The following DCC variants were observed in gnomAD, a reference collection of about 807,000 sequenced individuals.
DCC encodes the protein netrin receptor DCC.
A neutral mutation model predicts 172.5 loss-of-function variants in DCC; 58 were observed. The observed-to-expected ratio is 0.34, with a 90% confidence interval of 0.27 to 0.42. DCC has a LOEUF of 0.42. Among genes scored for constraint, DCC ranks in the 10% least tolerant of loss-of-function variants. The pLI, the probability that DCC is intolerant of heterozygous loss-of-function variation, is 1.00. For missense variants in DCC, 1,740 were observed against 1,791.0 expected, an observed-to-expected ratio of 0.97 and a Z score of 0.51; for synonymous variants, 709 against 644.5, an observed-to-expected ratio of 1.10 and a Z score of -1.52.
At chr18:52,494,651 C>T (rs2030670141) in intron 1 of DCC, among the ~76,000 whole-genome samples, 1 of 151,926 alleles carries the variant, frequency 6.6e-6, no homozygotes, top group South Asian at 2.1e-4. Context: ...TTTAGAGCTT[C>T]AGCATTTTCA....
chr18:52,568,162 A>G (rs2033206325), intron 1 of DCC, among the ~76,000 whole-genome samples: 1 of 152,144 alleles, frequency 6.6e-6, no homozygotes, highest in African/African-American at 2.4e-5. Flanking sequence ...ATTTGAAAAT[A>G]AAAAGTTAGA....
At chr18:53,227,388 A>G (rs578092262) in intron 12 of DCC, among the ~76,000 whole-genome samples, 1 of 152,324 alleles carries the variant, frequency 6.6e-6, no homozygotes, top group East Asian at 1.9e-4. Flanking sequence ...ATAACACTCA[A>G]CAATGAAACC....
chr18:52,361,198 A>T (rs1395559292), intron 1 of DCC, among the ~76,000 whole-genome samples: 1 of 152,204 alleles, frequency 6.6e-6, no homozygotes, highest in Non-Finnish European at 1.5e-5. Context: ...ATAAATATTC[A>T]AATATTACAT....
intron 1 of DCC, among the ~76,000 whole-genome samples, chr18:52,541,098 C>G (rs1362379280): frequency 1.3e-5 from 2 of 152,192 alleles, no homozygotes; most frequent in Non-Finnish European, 2.9e-5. Context: ...GTGACTGCCT[C>G]TACAGCTGAG....
intron 15 of DCC, among the ~76,000 whole-genome samples, chr18:53,355,796 G>T (rs1178129925): frequency 6.6e-6 from 1 of 151,798 alleles, no homozygotes; most frequent in Non-Finnish European, 1.5e-5. Context: ...TCTTATTTTT[G>T]TACCACTGCC....
At chr18:53,231,930 G>A (rs953228971) in intron 12 of DCC, among the ~76,000 whole-genome samples, 2 of 152,046 alleles carry the variant, frequency 1.3e-5, no homozygotes, top group Non-Finnish European at 2.9e-5. Flanking sequence ...TTCATTTGAC[G>A]TTTGAGTCCT....
chr18:52,693,471 T>TATATAATATAATATA (rs537038300), intron 1 of DCC, among the ~76,000 whole-genome samples: 13 of 148,000 alleles, frequency 8.8e-5, no homozygotes, highest in Admixed American at 8.2e-4. Context: ...TGTGTCTGTA[T>TATATAATATAATATA]ATATAATATA....
chr18:53,309,456 A>C (rs1381136613), intron 13 of DCC, among the ~76,000 whole-genome samples: 1 of 152,244 alleles, frequency 6.6e-6, no homozygotes, highest in East Asian at 1.9e-4. Context: ...ATAAGGTCAC[A>C]TGCTGATCCT....
In DCC at chr18:53,425,503, T is replaced by G. The variant is rs138331179; in HGVS notation, c.3163+9347T>G. 8.2e-3 allele frequency among the ~76,000 whole-genome samples: 1,240 copies of G among 151,316 alleles called. 17 individuals are homozygous for G. Among genetic ancestry groups the G allele is most frequent in the Admixed American group, 0.028 (417 of 15,144 alleles). On this transcript the variant is annotated intron_variant, in intron 21 of 28. Transcript: ENST00000442544. ...GCCTCCCGAGTAGATGGGATTACAG[T>G]CCCCTGCCCCACTATGCCCGGCTAA...
chr18:52,884,389 CT>C (rs201014727), intron 2 of DCC, among the ~76,000 whole-genome samples: 2,781 of 147,556 alleles, frequency 0.019, 58 homozygotes, highest in African/African-American at 0.047. Context: ...TTTTTTATTC[CT>C]TTTTTTTTTA....
intron 1 of DCC, among the ~76,000 whole-genome samples, chr18:52,735,603 G>A (rs142925408): frequency 2.2e-4 from 33 of 149,666 alleles, no homozygotes; most frequent in African/African-American, 7.7e-4. Flanking sequence ...AGAGGCTGTG[G>A]CAAATCACTG....
intron 5 of DCC, among the ~76,000 whole-genome samples, chr18:52,935,441 T>C (rs2040367842): frequency 6.6e-6 from 1 of 152,114 alleles, no homozygotes; most frequent in Non-Finnish European, 1.5e-5. Context: ...TCAGATATGC[T>C]CTATGAATTC....
At chr18:52,947,323 A>C (rs1179500777) in intron 5 of DCC, among the ~76,000 whole-genome samples, 1 of 152,172 alleles carries the variant, frequency 6.6e-6, no homozygotes, top group East Asian at 1.9e-4. Flanking sequence ...TACAATGCAA[A>C]CTGTCTATAT....
intron 1 of DCC, among the ~76,000 whole-genome samples, chr18:52,536,155 A>G (rs960044295): frequency 3.3e-5 from 5 of 152,122 alleles, no homozygotes; most frequent in Admixed American, 2.0e-4. Flanking sequence ...TGCGGGAGGA[A>G]CAGTGATATG....
intron 15 of DCC, among the ~76,000 whole-genome samples, chr18:53,362,525 C>T (rs1296865670): frequency 1.3e-5 from 2 of 152,132 alleles, no homozygotes; most frequent in Non-Finnish European, 2.9e-5. Flanking sequence ...CACTCATGGC[C>T]TTCACAAGAA....
At chr18:52,893,134 T>A (rs956299316) in intron 2 of DCC, among the ~76,000 whole-genome samples, 3 of 152,136 alleles carry the variant, frequency 2.0e-5, no homozygotes, top group Non-Finnish European at 2.9e-5. Flanking sequence ...ACTGCATCTT[T>A]GTATTGAAAA....
rs553483393 is a variant in DCC, at chr18:53,204,421, C to T, written c.1574-795C>T. 3.9e-5 allele frequency among the ~76,000 whole-genome samples: 6 copies of T among 152,076 alleles called. No individual in the cohort carries two copies. In the South Asian group the frequency reaches 1.2e-3, roughly 32 times the overall value. ...AAATAACTGGTCATGATGGTGCATG[C>T]TTGTAGTCCTACCTATTCAGGAAGC... On this transcript the variant is annotated intron_variant, in intron 9 of 28. Coordinates refer to ENST00000442544, the MANE Select transcript of DCC (RefSeq NM_005215.4).
At chr18:52,551,475 C>T (rs2032768373) in intron 1 of DCC, among the ~76,000 whole-genome samples, 1 of 151,930 alleles carries the variant, frequency 6.6e-6, no homozygotes, top group Non-Finnish European at 1.5e-5. Context: ...GGAATACTCA[C>T]ACTTCAGAAC....
intron 7 of DCC, among the ~76,000 whole-genome samples, chr18:53,112,445 A>T (rs768179957): frequency 2.0e-5 from 3 of 151,514 alleles, no homozygotes; most frequent in Non-Finnish European, 4.4e-5. Flanking sequence ...GAAACTCGCC[A>T]CTCACTCATA....
Sources: allele counts gnomAD v4.1 joint callset (sites outside exome capture counted in the v4.1 genomes callset), GRCh38; gene constraint gnomAD v4.1.1; transcripts MANE v1.5; gene names NCBI Gene and HGNC (gene_info 2026-07-23, HGNC 2026-07-21).